PARD3B: variants seen among roughly 807,000 people sequenced by gnomAD.
PARD3B encodes the protein partitioning defective 3 homolog B.
Under a neutral mutation model 130.2 loss-of-function variants are expected in PARD3B, and 103 were observed. That is an observed-to-expected ratio of 0.79 (90% CI 0.67 to 0.93). PARD3B has a LOEUF of 0.93. Ranked by LOEUF, PARD3B falls within the 40% of genes least tolerant of loss-of-function variation. The probability of loss-of-function intolerance (pLI) is 0.00; values close to 1 mark genes in which losing one functional copy is unlikely to be tolerated. For synonymous variants in PARD3B, 583 were observed against 553.2 expected (o/e 1.05, Z -0.76); for missense variants, 1,609 against 1,499.2 (o/e 1.07, Z -1.21).
At chr2:205,200,493 T>C (rs1437814829) in intron 15 of PARD3B, among the ~76,000 whole-genome samples, 2 of 152,186 alleles carry the variant, frequency 1.3e-5, no homozygotes, top group African/African-American at 2.4e-5. Flanking sequence ...AAATACCGTC[T>C]TAGAGAATTG....
intron 22 of PARD3B, among the ~76,000 whole-genome samples, chr2:205,571,295 T>C (rs530549266): frequency 6.6e-6 from 1 of 152,322 alleles, no homozygotes; most frequent in South Asian, 2.1e-4. Flanking sequence ...ACATAAAACA[T>C]CCTCTGCATG....
At chr2:205,027,886 T>A (rs1183393130) in intron 3 of PARD3B, among the ~76,000 whole-genome samples, 1 of 152,146 alleles carries the variant, frequency 6.6e-6, no homozygotes, top group African/African-American at 2.4e-5. Context: ...ATGCACAGGT[T>A]TATTTTTGTG....
chr2:204,847,247 A>G (rs1477796134), intron 2 of PARD3B, among the ~76,000 whole-genome samples: 1 of 151,250 alleles, frequency 6.6e-6, no homozygotes, highest in Admixed American at 6.6e-5. Context: ...TATTGCTATA[A>G]CTATAGAACA....
chr2:205,440,814 A>G lies in PARD3B; in HGVS notation c.3044+142A>G. On this transcript the variant is annotated intron_variant, in intron 20 of 22. Coordinates refer to ENST00000406610, the MANE Select transcript of PARD3B (RefSeq NM_001302769.2). This position sits in a 1 kb window ranked among gnomAD's most constrained non-coding sequence, Gnocchi z 4.2. Reference sequence around the variant, plus strand: ...TACCCTAGACAAGTGCCATCCTTTGACCGACCTGTAAGATATCCACCATCA... The same window carrying G: ...TACCCTAGACAAGTGCCATCCTTTGGCCGACCTGTAAGATATCCACCATCA... 1.2e-6 allele frequency: 1 copy of G among 837,796 alleles called. No individual in the cohort carries two copies. The highest frequency in any genetic ancestry group is 1.8e-6 in the Non-Finnish European group (1 of 549,272). The allele number at this position is 837,796 out of a possible 1,614,324, so 51.9% of individuals were successfully genotyped here.
At chr2:204,985,604 C>T (rs1042808884) in intron 3 of PARD3B, among the ~76,000 whole-genome samples, 1 of 152,262 alleles carries the variant, frequency 6.6e-6, no homozygotes, top group Admixed American at 6.5e-5. Flanking sequence ...CCGAACTGAG[C>T]ATCTGCCGCC....
chr2:205,361,877 C>G (rs964066971), intron 18 of PARD3B, among the ~76,000 whole-genome samples: 1 of 152,130 alleles, frequency 6.6e-6, no homozygotes, highest in Non-Finnish European at 1.5e-5. Context: ...GCCTCTACCC[C>G]ACTCATCTTC....
chr2:205,251,772 G>T (rs1235115409), intron 16 of PARD3B, among the ~76,000 whole-genome samples: 2 of 152,086 alleles, frequency 1.3e-5, no homozygotes, highest in African/African-American at 2.4e-5. Context: ...TCAAGTTAAT[G>T]GTTAGTGTAC....
At chr2:205,017,536 A>G (rs1467900697) in intron 3 of PARD3B, among the ~76,000 whole-genome samples, 1 of 151,968 alleles carries the variant, frequency 6.6e-6, no homozygotes, top group Non-Finnish European at 1.5e-5. Context: ...AAAGCCTCCT[A>G]TGCACTCATT....
chr2:205,122,218 A>AAT lies in PARD3B; in HGVS notation c.1165+272_1165+273dup, dbSNP rs1183295108. Reference sequence around the variant, plus strand: ...ATTGCAAACCTGATATCAACAGAGCAATATTGTATTACAACTTAATACCAA... The same window carrying AAT: ...ATTGCAAACCTGATATCAACAGAGCAATATATTGTATTACAACTTAATACCAA... On this transcript the variant is annotated intron_variant, in intron 8 of 22. Coordinates refer to ENST00000406610, the MANE Select transcript of PARD3B (RefSeq NM_001302769.2). The surrounding 1 kb of genome is among the most constrained non-coding windows in gnomAD (Gnocchi z 4.3). 6.6e-6 allele frequency among the ~76,000 whole-genome samples: 1 copy of AAT among 152,204 alleles called. No homozygotes were observed. Among genetic ancestry groups the AAT allele is most frequent in the Non-Finnish European group, 1.5e-5 (1 of 68,038 alleles).
intron 10 of PARD3B, among the ~76,000 whole-genome samples, chr2:205,150,127 T>C (rs1347527987): frequency 1.3e-5 from 2 of 152,108 alleles, no homozygotes; most frequent in African/African-American, 2.4e-5. Flanking sequence ...GGACAGAGCC[T>C]CTAGTGGCAA....
chr2:205,184,062 A>G (rs1041939453), intron 13 of PARD3B, among the ~76,000 whole-genome samples: 2 of 152,104 alleles, frequency 1.3e-5, no homozygotes, highest in African/African-American at 2.4e-5. Flanking sequence ...GAGAGAGGCA[A>G]TCTTTTTTGT....
chr2:205,199,128 C>G (rs111902639), intron 15 of PARD3B, among the ~76,000 whole-genome samples: 1 of 152,122 alleles, frequency 6.6e-6, no homozygotes, highest in Non-Finnish European at 1.5e-5. Context: ...AATGTTCTTT[C>G]ATTAAGTAAA....
At chr2:205,348,942 A>G (rs908641085) in intron 18 of PARD3B, among the ~76,000 whole-genome samples, 1 of 152,194 alleles carries the variant, frequency 6.6e-6, no homozygotes, top group Non-Finnish European at 1.5e-5. Context: ...ATCAACTCAA[A>G]GAGGAAAATT....
chr2:205,327,363 A>AT (rs1166709628), intron 18 of PARD3B, among the ~76,000 whole-genome samples: 1 of 152,234 alleles, frequency 6.6e-6, no homozygotes, highest in African/African-American at 2.4e-5. Context: ...TCTTTGGTAC[A>AT]TTATAGAGGT....
chr2:205,186,932 C>T (rs1363302687), intron 14 of PARD3B, among the ~76,000 whole-genome samples: 1 of 152,160 alleles, frequency 6.6e-6, no homozygotes, highest in Non-Finnish European at 1.5e-5. Flanking sequence ...TTCATTTGTT[C>T]TACCTTACTG....
chr2:204,696,232 G>A (rs577636070), intron 2 of PARD3B, among the ~76,000 whole-genome samples: 9 of 151,958 alleles, frequency 5.9e-5, no homozygotes, highest in South Asian at 2.1e-4. Context: ...CTGACCTTCC[G>A]TTAAATCATG....
chr2:205,488,442 A>G (rs2049533770), intron 20 of PARD3B, among the ~76,000 whole-genome samples: 1 of 151,996 alleles, frequency 6.6e-6, no homozygotes, highest in South Asian at 2.1e-4. Context: ...GTGTAAGCTC[A>G]CCGGTTTCTA....
intron 1 of PARD3B, among the ~76,000 whole-genome samples, chr2:204,617,357 T>A (rs2034147417): frequency 1.3e-5 from 2 of 152,148 alleles, no homozygotes; most frequent in African/African-American, 4.8e-5. Context: ...TGCCTAACAA[T>A]TCTTCTTTCT....
chr2:205,070,111 C>G (rs1342622732), intron 4 of PARD3B, among the ~76,000 whole-genome samples: 2 of 152,058 alleles, frequency 1.3e-5, no homozygotes, highest in Admixed American at 6.6e-5. Flanking sequence ...GTTCCTTAAC[C>G]CATTTGCTAT....
Sources: allele counts gnomAD v4.1 joint callset (sites outside exome capture counted in the v4.1 genomes callset), GRCh38; gene constraint gnomAD v4.1.1; non-coding constraint Gnocchi (gnomAD v3.1); transcripts MANE v1.5; gene names NCBI Gene and HGNC (gene_info 2026-07-23, HGNC 2026-07-21).